The following ABL2 variants were observed in gnomAD, a reference collection of about 807,000 sequenced individuals.
ABL2 encodes tyrosine-protein kinase ABL2.
A neutral mutation model predicts 107.7 loss-of-function variants in ABL2; 49 were observed. The ratio of observed to expected loss-of-function variants is 0.45; its 90% CI spans 0.36 to 0.58. The LOEUF (loss-of-function observed/expected upper bound fraction) is 0.58, where lower values mean the gene tolerates loss of function less well. Among genes scored for constraint, ABL2 ranks in the 20% least tolerant of loss-of-function variants. The pLI is 0.00. For synonymous variants in ABL2, 549 were observed against 548.6 expected, an observed-to-expected ratio of 1.00 and a Z score of -0.01; for missense variants, 1,245 against 1,457.0, an observed-to-expected ratio of 0.85 and a Z score of 2.37.
At chr1:179,165,008 G>A (rs781151902) in intron 1 of ABL2, among the ~76,000 whole-genome samples, 1 of 152,260 alleles carries the variant, frequency 6.6e-6, no homozygotes, top group Non-Finnish European at 1.5e-5. Context: ...AATTTATATT[G>A]TAGTAGAAGT....
intron 1 of ABL2, among the ~76,000 whole-genome samples, chr1:179,148,329 C>A (rs893575703): frequency 6.6e-6 from 1 of 152,188 alleles, no homozygotes; most frequent in African/African-American, 2.4e-5. Flanking sequence ...GTGTGAACCA[C>A]CGCACCTGGC....
Position 179,101,992 on chromosome 1 carries a change from A to ATTTTTTTTTT in ABL2, c.*5725_*5726insAAAAAAAAAA, listed in dbSNP as rs1557895974. ...AAAAAAAAGCAAGCTTTGCATTAGAATTTCTTTTTTTTTTTTTTTTTTTTT... is the reference window on the plus strand; with the variant it reads ...AAAAAAAAGCAAGCTTTGCATTAGAATTTTTTTTTTTTTCTTTTTTTTTTTTTTTTTTTTT... On this transcript the variant is annotated 3_prime_UTR_variant, in exon 12 of 12. Coordinates refer to ENST00000502732, the MANE Select transcript of ABL2 (RefSeq NM_007314.4). The ATTTTTTTTTT allele has an allele frequency of 5.0e-5, 5 of 100,292 alleles. No individual in the cohort carries two copies. The highest frequency in any genetic ancestry group is 2.5e-4 in the East Asian group (1 of 3,940). The allele number at this position is 100,292 out of a possible 1,614,324, so 6.2% of individuals were successfully genotyped here.
At chr1:179,159,249 G>A (rs368764752) in intron 1 of ABL2, among the ~76,000 whole-genome samples, 7 of 152,284 alleles carry the variant, frequency 4.6e-5, no homozygotes, top group African/African-American at 1.7e-4. Flanking sequence ...GTAATCCTTA[G>A]AACCTGTAGT....
chr1:179,156,297 AC>A (rs1658686079), intron 1 of ABL2, among the ~76,000 whole-genome samples: 1 of 152,084 alleles, frequency 6.6e-6, no homozygotes, highest in African/African-American at 2.4e-5. Context: ...CCTATTCACT[AC>A]CCTTATTTCA....
At chr1:179,115,191 CCTT>C (rs1269038930) in intron 8 of ABL2, among the ~76,000 whole-genome samples, 161 bp from the exon 9 acceptor site, 6 of 152,122 alleles carry the variant, frequency 3.9e-5, no homozygotes, top group African/African-American at 1.2e-4. Context: ...CATGATTTGT[CCTT>C]CTAAAATATT....
rs201521779 is a variant in ABL2 at position 179,118,640 on chromosome 1, G to A, written c.1170C>T (p.Ala390=). The change falls in exon 7 of 12, where the codon GCC becomes GCT. Residue 390 remains alanine, a synonymous_variant. Coordinates refer to ENST00000502732, the MANE Select transcript of ABL2 (RefSeq NM_007314.4). ...EVTAVVLLYM[A]TQISSAMEYL... ...ACTCCATTGCAGAAGAAATCTGAGTGGCCATGTAGAGCAGCACAACTGCAG... is the reference window on the plus strand; with the variant it reads ...ACTCCATTGCAGAAGAAATCTGAGTAGCCATGTAGAGCAGCACAACTGCAG... 493 of 1,613,612 alleles carry A rather than the reference G, an allele frequency of 3.1e-4. No homozygotes were observed. Among genetic ancestry groups the A allele is most frequent in the Non-Finnish European group, 3.9e-4 (461 of 1,179,960 alleles).
chr1:179,229,643 G>GCCGCCGCCGCCGCCGCCA lies in ABL2; in HGVS notation c.-247_-246insTGGCGGCGGCGGCGGCGG, dbSNP rs1553236273. 1.0e-4 allele frequency: 52 copies of GCCGCCGCCGCCGCCGCCA among 496,710 alleles called. 2 individuals are homozygous for GCCGCCGCCGCCGCCGCCA. Among genetic ancestry groups the GCCGCCGCCGCCGCCGCCA allele is most frequent in the East Asian group, 5.5e-4 (15 of 27,052 alleles). 30.8% of individuals were successfully genotyped at this position (496,710 alleles called of 1,614,324 possible). ...GCTCCGCGCCCCCAACGCCGCCGCC[G>GCCGCCGCCGCCGCCGCCA]CCGCCGCCGCCACCGCCGCCGCCAT... On this transcript the variant is annotated 5_prime_UTR_variant, in exon 1 of 12. Transcript: ENST00000502732.
rs551457411 is a variant in ABL2 at position 179,177,385 on chromosome 1, C to T, written c.158-44011G>A. Among the ~76,000 whole-genome samples the T allele has an allele frequency of 1.9e-4, 29 of 152,294 alleles. No homozygotes were observed. The South Asian group carries it at 5.6e-3, about 29-fold the overall frequency. On this transcript the variant is annotated intron_variant, in intron 1 of 11. Transcript: ENST00000502732. ...AGCCAAGTCAAGTTCCAAGAATAGT[C>T]GTGGCATACCATCCCCCTCCAACTA...
intron 5 of ABL2, 75 bp downstream of exon 5, chr1:179,121,520 G>A (rs1572637478): frequency 6.5e-7 from 1 of 1,541,640 alleles, no homozygotes; most frequent in East Asian, 2.3e-5. Context: ...AGTTAAAGAA[G>A]GGCATGCTGA....
chr1:179,111,669 T>C (rs1005967138), intron 10 of ABL2, among the ~76,000 whole-genome samples: 1 of 152,136 alleles, frequency 6.6e-6, no homozygotes. Context: ...CTATGATGAG[T>C]AATGTTAAAC....
chr1:179,117,308 G>A (rs76040121), intron 8 of ABL2, 24 bp downstream of exon 8: 3 of 1,608,166 alleles, frequency 1.9e-6, no homozygotes, highest in Non-Finnish European at 2.6e-6. Context: ...AAATGACACA[G>A]AAAAAAGTCC....
chr1:179,112,476 A>G, intron 9 of ABL2, 78 bp from the exon 10 acceptor site: 2 of 1,001,062 alleles, frequency 2.0e-6, no homozygotes, highest in African/African-American at 1.6e-5. Flanking sequence ...AATGAGTTCT[A>G]TGCATCATGA....
chr1:179,172,046 G>A (rs549288244), intron 1 of ABL2, among the ~76,000 whole-genome samples: 1 of 152,288 alleles, frequency 6.6e-6, no homozygotes, highest in African/African-American at 2.4e-5. Flanking sequence ...CTTACTGAAG[G>A]TAGTCACAGA....
At chr1:179,203,811 T>C (rs1296123691) in intron 1 of ABL2, among the ~76,000 whole-genome samples, 1 of 152,174 alleles carries the variant, frequency 6.6e-6, no homozygotes, top group East Asian at 1.9e-4. Flanking sequence ...CAGCATAGCC[T>C]GGTGGTTAAG....
rs138408134 is a variant in ABL2, at chr1:179,100,681, G to C, written c.*7037C>G. On this transcript the variant is annotated 3_prime_UTR_variant, in exon 12 of 12. Coordinates refer to ENST00000502732, the MANE Select transcript of ABL2 (RefSeq NM_007314.4). Reference sequence around the variant, plus strand: ...TGAGGGTTCAGCTCAGTAGCCTGGAGTGACAGGTAGGACCCTGAAAATTTG... The same window carrying C: ...TGAGGGTTCAGCTCAGTAGCCTGGACTGACAGGTAGGACCCTGAAAATTTG... The C allele has an allele frequency of 4.4e-6, 1 of 229,662 alleles. No homozygotes were observed. The highest frequency in any genetic ancestry group is 8.6e-6 in the Non-Finnish European group (1 of 115,832). 14.2% of individuals were successfully genotyped at this position (229,662 alleles called of 1,614,324 possible). A position where few individuals can be genotyped will look rare whatever the true frequency, so the allele number is the denominator to read the frequency against.
chr1:179,153,444 A>C (rs1005787443), intron 1 of ABL2, among the ~76,000 whole-genome samples: 1 of 152,146 alleles, frequency 6.6e-6, no homozygotes, highest in Non-Finnish European at 1.5e-5. Flanking sequence ...GGAGACTCCA[A>C]GGAGAATCCA....
At chr1:179,149,835 G>A (rs1246702421) in intron 1 of ABL2, among the ~76,000 whole-genome samples, 1 of 152,166 alleles carries the variant, frequency 6.6e-6, no homozygotes, top group Non-Finnish European at 1.5e-5. Flanking sequence ...AATGCACTTG[G>A]TCACTTGGTA....
chr1:179,172,461 T>G (rs556395295), intron 1 of ABL2, among the ~76,000 whole-genome samples: 2 of 152,304 alleles, frequency 1.3e-5, no homozygotes, highest in African/African-American at 4.8e-5. Context: ...TCAATTTATT[T>G]TACCTACACA....
chr1:179,127,574 A>T (rs1234398179), intron 3 of ABL2, among the ~76,000 whole-genome samples: 1 of 152,234 alleles, frequency 6.6e-6, no homozygotes, highest in East Asian at 1.9e-4. Flanking sequence ...TTCTTTGACA[A>T]AACAGAAAAA....
Sources: gnomAD v4.1 joint callset for allele counts (sites outside exome capture counted in the v4.1 genomes callset) on GRCh38, gnomAD v4.1.1 for gene constraint, MANE v1.5 for transcripts, NCBI Gene and HGNC (gene_info 2026-07-23, HGNC 2026-07-21) for gene names.